Variants in NLGN1 observed in about 807,000 individuals in gnomAD.
NLGN1 encodes neuroligin-1.
A neutral mutation model predicts 65.5 loss-of-function variants in NLGN1; 12 were observed. The ratio of observed to expected loss-of-function variants is 0.18; its 90% CI spans 0.12 to 0.30. The LOEUF (loss-of-function observed/expected upper bound fraction) is 0.30. Among genes scored for constraint, NLGN1 ranks in the 10% least tolerant of loss-of-function variants. The pLI, the probability that NLGN1 is intolerant of heterozygous loss-of-function variation, is 1.00. For missense variants in NLGN1, 750 were observed against 1,007.1 expected (o/e 0.74, Z 3.46); for synonymous variants, 350 against 359.5 (o/e 0.97, Z 0.30).
chr3:173,776,241 C>G lies in NLGN1; in HGVS notation c.494-31439C>G, dbSNP rs114738752. 9.3e-3 allele frequency among the ~76,000 whole-genome samples: 1,418 copies of G among 152,062 alleles called. 27 individuals are homozygous for G. The highest frequency in any genetic ancestry group is 0.033 in the African/African-American group (1,356 of 41,516). On this transcript the variant is annotated intron_variant, in intron 3 of 6. Transcript: ENST00000457714. Reference sequence around the variant, plus strand: ...TAGAAATTGTAATGTTTTAGTACCACCTATCATCTGCAAACTGTGTCCAAC... The same window carrying G: ...TAGAAATTGTAATGTTTTAGTACCAGCTATCATCTGCAAACTGTGTCCAAC...
At chr3:173,970,034 G>A (rs1312979737) in intron 4 of NLGN1, among the ~76,000 whole-genome samples, 1 of 151,976 alleles carries the variant, frequency 6.6e-6, no homozygotes, top group Admixed American at 6.6e-5. Context: ...TATGCATTAA[G>A]TATGTGCATA....
chr3:173,783,497 T>G (rs1173265244), intron 3 of NLGN1, among the ~76,000 whole-genome samples: 1 of 152,224 alleles, frequency 6.6e-6, no homozygotes, highest in Non-Finnish European at 1.5e-5. Context: ...TTAATTGATC[T>G]AAGATTGTGC....
At chr3:173,527,605 G>A (rs962271257) in intron 2 of NLGN1, among the ~76,000 whole-genome samples, 1 of 152,240 alleles carries the variant, frequency 6.6e-6, no homozygotes, top group Non-Finnish European at 1.5e-5. Flanking sequence ...CACCATGTTA[G>A]CCAGGATAGT....
In NLGN1 at chr3:173,689,945, G is replaced by C. The variant is rs568722872; in HGVS notation, c.493+84854G>C. Among the ~76,000 whole-genome samples the C allele has an allele frequency of 2.0e-5, 3 of 152,200 alleles. No individual in the cohort carries two copies. In the South Asian group the frequency reaches 6.2e-4, roughly 32 times the overall value. ...GTCAGATAAATAAAAAAATAAGTGG[G>C]GGATTAGTGTTATGAAAAAAGTAAA... On this transcript the variant is annotated intron_variant, in intron 3 of 6. Transcript: ENST00000457714.
chr3:173,672,678 C>G (rs947633756), intron 3 of NLGN1, among the ~76,000 whole-genome samples: 3 of 152,182 alleles, frequency 2.0e-5, no homozygotes, highest in Non-Finnish European at 4.4e-5. Flanking sequence ...CTCTCCTGAC[C>G]ATGTAAGACG....
intron 4 of NLGN1, among the ~76,000 whole-genome samples, chr3:174,088,806 A>C (rs867140452): frequency 2.9e-4 from 43 of 147,680 alleles, no homozygotes; most frequent in Middle Eastern, 6.9e-3. Flanking sequence ...ATAAATAAAT[A>C]AAACTAGATT....
At chr3:173,854,487 G>A (rs944545463) in intron 4 of NLGN1, among the ~76,000 whole-genome samples, 2 of 151,760 alleles carry the variant, frequency 1.3e-5, no homozygotes, top group Non-Finnish European at 2.9e-5. Context: ...AATAATAATC[G>A]TTTACAGCAT....
At chr3:173,610,630 A>C (rs1023331994) in intron 3 of NLGN1, among the ~76,000 whole-genome samples, 1 of 151,988 alleles carries the variant, frequency 6.6e-6, no homozygotes, top group Non-Finnish European at 1.5e-5. Flanking sequence ...AAACTGAGAA[A>C]GAATTATGTA....
intron 2 of NLGN1, among the ~76,000 whole-genome samples, chr3:173,603,708 G>C (rs116331448): frequency 6.6e-6 from 1 of 151,984 alleles, no homozygotes; most frequent in Non-Finnish European, 1.5e-5. Flanking sequence ...GATACAGCAA[G>C]GAAGTGAGGT....
intron 4 of NLGN1, among the ~76,000 whole-genome samples, chr3:174,268,887 T>G (rs1169331189): frequency 6.6e-6 from 1 of 151,812 alleles, no homozygotes; most frequent in Non-Finnish European, 1.5e-5. Context: ...ATAAATAGAT[T>G]CACCAAAACA....
chr3:173,802,828 A>G (rs1715732555), intron 3 of NLGN1, among the ~76,000 whole-genome samples: 2 of 151,772 alleles, frequency 1.3e-5, no homozygotes, highest in African/African-American at 4.8e-5. Flanking sequence ...AAAAAGATAT[A>G]CAAAAGAATG....
intron 3 of NLGN1, among the ~76,000 whole-genome samples, chr3:173,770,908 A>C (rs758790597): frequency 6.6e-6 from 1 of 152,188 alleles, no homozygotes; most frequent in Admixed American, 6.5e-5. Flanking sequence ...GTGAATCAAA[A>C]AGCATACTGC....
intron 3 of NLGN1, among the ~76,000 whole-genome samples, chr3:173,705,492 G>A (rs1767912199): frequency 6.6e-6 from 1 of 152,090 alleles, no homozygotes; most frequent in South Asian, 2.1e-4. Context: ...ACACATTGCT[G>A]CTTTGAAACA....
chr3:173,399,922 G>A (rs896812371), intron 1 of NLGN1: 1 of 151,908 alleles, frequency 6.6e-6, no homozygotes, highest in Non-Finnish European at 1.5e-5. Context: ...TATCTCTCTG[G>A]GTTTTCATGT....
chr3:174,212,075 A>G (rs1231718413), intron 4 of NLGN1, among the ~76,000 whole-genome samples: 2 of 152,072 alleles, frequency 1.3e-5, no homozygotes, highest in East Asian at 1.9e-4. Flanking sequence ...GAGGCGGGGG[A>G]AGGCTCAGGC....
At chr3:174,088,452 A>T (rs67417469) in intron 4 of NLGN1, among the ~76,000 whole-genome samples, 22,222 of 152,082 alleles carry the variant, frequency 0.15, 1,900 homozygotes, top group African/African-American at 0.23. Context: ...TTTAAAAATC[A>T]TTAATTAAAA....
chr3:173,396,687 G>A (rs1219273895), upstream of NLGN1: 3 of 152,230 alleles, frequency 2.0e-5, no homozygotes, highest in African/African-American at 7.2e-5. Context: ...ACGGGGCTTA[G>A]AGAGAAAGGT....
intron 3 of NLGN1, among the ~76,000 whole-genome samples, chr3:173,653,516 A>C (rs1032537700): frequency 1.3e-5 from 2 of 152,144 alleles, no homozygotes; most frequent in African/African-American, 4.8e-5. Context: ...TCTGTCCTTA[A>C]CTTTGTTTAT....
intron 4 of NLGN1, among the ~76,000 whole-genome samples, chr3:174,149,973 T>A (rs1724025791): frequency 6.6e-6 from 1 of 152,126 alleles, no homozygotes. Context: ...CATGGATAAA[T>A]TACACCACTT....
Sources: gnomAD v4.1 joint callset for allele counts (sites outside exome capture counted in the v4.1 genomes callset) on GRCh38, gnomAD v4.1.1 for gene constraint, MANE v1.5 for transcripts, NCBI Gene and HGNC (gene_info 2026-07-23, HGNC 2026-07-21) for gene names.